APLF: variants seen among roughly 807,000 people sequenced by gnomAD.
The protein encoded by APLF is aprataxin and PNKP like factor, also known as aprataxin and PNK-like factor.
Under a neutral mutation model 55.6 loss-of-function variants are expected in APLF, and 61 were observed. The ratio of observed to expected loss-of-function variants is 1.10; its 90% CI spans 0.89 to 1.36. APLF has a LOEUF of 1.36. Ranked by LOEUF, APLF falls within the 40% of genes most tolerant of loss-of-function variation. The pLI is 0.00. For missense variants in APLF, 611 were observed against 602.5 expected (o/e 1.01, Z -0.15); for synonymous variants, 207 against 214.8 (o/e 0.96, Z 0.32).
chr2:68,488,408 G>C lies in APLF; in HGVS notation c.97-1782G>C, dbSNP rs570452863. Among the ~76,000 whole-genome samples, 8 of 145,148 alleles carry C rather than the reference G, an allele frequency of 5.5e-5. No individual in the cohort carries two copies. In the South Asian group the frequency reaches 1.7e-3, roughly 31 times the overall value. On this transcript the variant is annotated intron_variant, in intron 1 of 9. Coordinates refer to ENST00000303795, the MANE Select transcript of APLF (RefSeq NM_173545.3). Reference sequence around the variant, plus strand: ...TGCAGTGGCACGATCATGGCTCATTGCAACCTTGACCTCCTGGGTTCAAGC... The same window carrying C: ...TGCAGTGGCACGATCATGGCTCATTCCAACCTTGACCTCCTGGGTTCAAGC...
At chr2:68,495,888 C>T (rs370136078) in intron 2 of APLF, among the ~76,000 whole-genome samples, 12 of 152,172 alleles carry the variant, frequency 7.9e-5, no homozygotes, top group African/African-American at 2.9e-4. Context: ...TATGTGGGGT[C>T]CTTTGAGCCA....
At chr2:68,571,767 G>T (rs1671473694) in intron 9 of APLF, among the ~76,000 whole-genome samples, 1 of 152,142 alleles carries the variant, frequency 6.6e-6, no homozygotes, top group African/African-American at 2.4e-5. Context: ...GATTGACTTG[G>T]CAATGCAGGC....
At position 68,525,109 on chromosome 2, in the gene APLF, C is replaced by A. The variant is rs144709760; in HGVS notation, c.623-952C>A. Among the ~76,000 whole-genome samples the A allele has an allele frequency of 2.1e-3, 325 of 152,240 alleles. 1 individual carries two copies. The highest frequency in any genetic ancestry group is 7.3e-3 in the African/African-American group (304 of 41,548). ...AGGAGTTCGAGACCAGCCTTGCCAA[C>A]ATGGTGAAACTCTGTCTCTACTAAA... On this transcript the variant is annotated intron_variant, in intron 5 of 9. Coordinates refer to ENST00000303795, the MANE Select transcript of APLF (RefSeq NM_173545.3).
At chr2:68,510,152 G>A (rs1276192278) in intron 3 of APLF, among the ~76,000 whole-genome samples, 1 of 151,456 alleles carries the variant, frequency 6.6e-6, no homozygotes, top group African/African-American at 2.4e-5. Flanking sequence ...CACCAACATG[G>A]CACATGTATA....
In APLF at chr2:68,528,336, G is replaced by C. The variant is rs912775433; in HGVS notation, c.804+2094G>C. 4 of 1,494,548 alleles carry C rather than the reference G, an allele frequency of 2.7e-6. No homozygotes were observed. The African/African-American group carries it at 5.5e-5, about 21-fold the overall frequency. 92.6% of individuals were successfully genotyped at this position (1,494,548 alleles called of 1,614,324 possible). On this transcript the variant is annotated intron_variant, in intron 6 of 9. Coordinates refer to ENST00000303795, the MANE Select transcript of APLF (RefSeq NM_173545.3). ...CTCATGTTCTTACGCATGTTGCCCT[G>C]CTGGAGGCGTCCTTCTCTTTGGGAA... is the stretch of plus-strand genomic sequence containing the variant.
At chr2:68,501,502 C>T (rs1157165642) in intron 2 of APLF, among the ~76,000 whole-genome samples, 1 of 151,608 alleles carries the variant, frequency 6.6e-6, no homozygotes, top group East Asian at 1.9e-4. Context: ...TTTTAAAAAC[C>T]CAGTGATATT....
intron 8 of APLF, among the ~76,000 whole-genome samples, chr2:68,552,926 T>G (rs577580825): frequency 1.1e-4 from 16 of 152,306 alleles, no homozygotes; most frequent in African/African-American, 3.1e-4. Flanking sequence ...CATTTTTTTC[T>G]CTTGTTAATT....
chr2:68,502,178 G>A (rs1017140470), intron 2 of APLF, among the ~76,000 whole-genome samples: 3 of 152,102 alleles, frequency 2.0e-5, no homozygotes, highest in Non-Finnish European at 4.4e-5. Flanking sequence ...ACATGTTAAA[G>A]GTCCTACTTG....
chr2:68,532,809 TCTC>T (rs147250483), intron 6 of APLF, among the ~76,000 whole-genome samples: 6,500 of 152,282 alleles, frequency 0.043, 180 homozygotes, highest in Non-Finnish European at 0.065. Flanking sequence ...AGTGTTTTTA[TCTC>T]CTCTAAAGAT....
intron 6 of APLF, among the ~76,000 whole-genome samples, chr2:68,531,036 A>C (rs769342367): frequency 7.2e-5 from 11 of 152,194 alleles, no homozygotes; most frequent in Non-Finnish European, 1.5e-4. Flanking sequence ...AGAAAAACAA[A>C]TTGATGGGAT....
intron 8 of APLF, among the ~76,000 whole-genome samples, chr2:68,554,521 C>T (rs1224883829): frequency 6.6e-6 from 1 of 152,060 alleles, no homozygotes; most frequent in Non-Finnish European, 1.5e-5. Context: ...TTGATTCTAC[C>T]TATCCATGAA....
intron 7 of APLF, among the ~76,000 whole-genome samples, chr2:68,539,597 A>C (rs1308788431): frequency 6.6e-6 from 1 of 152,190 alleles, no homozygotes; most frequent in African/African-American, 2.4e-5. Flanking sequence ...TCAACATATG[A>C]ATTTTGGGAG....
intron 7 of APLF, among the ~76,000 whole-genome samples, chr2:68,541,967 G>A (rs1204649870): frequency 1.3e-5 from 2 of 152,118 alleles, no homozygotes; most frequent in South Asian, 2.1e-4. Flanking sequence ...ATAGACTAGA[G>A]AGCCTATAAA....
At chr2:68,517,172 TATA>T (rs200977096) in intron 5 of APLF, among the ~76,000 whole-genome samples, 2,719 of 124,596 alleles carry the variant, frequency 0.022, 52 homozygotes, top group Middle Eastern at 0.056. Context: ...TATATCAATA[TATA>T]ATAATGTTAT....
intron 1 of APLF, among the ~76,000 whole-genome samples, chr2:68,472,960 C>T (rs1447730449): frequency 6.6e-6 from 1 of 152,104 alleles, no homozygotes; most frequent in East Asian, 1.9e-4. Context: ...GCTTCCCCGA[C>T]TATCAACATT....
chr2:68,474,598 T>C (rs1675716547), intron 1 of APLF, among the ~76,000 whole-genome samples: 1 of 152,238 alleles, frequency 6.6e-6, no homozygotes, highest in African/African-American at 2.4e-5. Context: ...GAATATGCTA[T>C]CTTCTCACAT....
chr2:68,498,960 T>C (rs1463175080), intron 2 of APLF, among the ~76,000 whole-genome samples: 1 of 152,108 alleles, frequency 6.6e-6, no homozygotes, highest in Non-Finnish European at 1.5e-5. Context: ...AAAATTGTAC[T>C]TGTGAAATAT....
At chr2:68,474,870 G>C (rs754448427) in intron 1 of APLF, among the ~76,000 whole-genome samples, 2 of 152,150 alleles carry the variant, frequency 1.3e-5, no homozygotes, top group Admixed American at 6.5e-5. Flanking sequence ...GTTTCTCTAT[G>C]TTGATCAGGC....
chr2:68,545,711 A>T (rs2104018793), intron 8 of APLF, among the ~76,000 whole-genome samples: 1 of 152,300 alleles, frequency 6.6e-6, no homozygotes, highest in South Asian at 2.1e-4. Context: ...CAACACAGAA[A>T]GTCCAATCCT....
Sources: allele counts gnomAD v4.1 joint callset (sites outside exome capture counted in the v4.1 genomes callset), GRCh38; gene constraint gnomAD v4.1.1; transcripts MANE v1.5; gene names NCBI Gene and HGNC (gene_info 2026-07-23, HGNC 2026-07-21).